The following CDH10 variants were observed in gnomAD, a reference collection of about 807,000 sequenced individuals.
CDH10 encodes the protein cadherin-10.
A neutral mutation model predicts 73.1 loss-of-function variants in CDH10; 30 were observed. The ratio of observed to expected loss-of-function variants is 0.41; its 90% CI spans 0.31 to 0.56. The LOEUF (loss-of-function observed/expected upper bound fraction) is 0.56. Among genes scored for constraint, CDH10 ranks in the 20% least tolerant of loss-of-function variants. The pLI is 0.27. For missense variants in CDH10, 815 were observed against 973.7 expected, an observed-to-expected ratio of 0.84 and a Z score of 2.17; for synonymous variants, 345 against 348.2, an observed-to-expected ratio of 0.99 and a Z score of 0.10.
intron 2 of CDH10, among the ~76,000 whole-genome samples, chr5:24,592,927 T>C (rs200795611): frequency 6.6e-6 from 1 of 151,258 alleles, no homozygotes; most frequent in Admixed American, 6.6e-5. Flanking sequence ...TATATACACA[T>C]ATGTATTTTC....
At chr5:24,528,502 C>T (rs892649201) in intron 5 of CDH10, among the ~76,000 whole-genome samples, 1 of 151,864 alleles carries the variant, frequency 6.6e-6, no homozygotes, top group Non-Finnish European at 1.5e-5. Flanking sequence ...ACTGAACGTA[C>T]GTGTCTTAAA....
At chr5:24,585,778 G>A (rs1579844976) in intron 2 of CDH10, among the ~76,000 whole-genome samples, 1 of 152,016 alleles carries the variant, frequency 6.6e-6, no homozygotes, top group East Asian at 1.9e-4. Context: ...ATAATCAAAG[G>A]TCATTTCCTA....
At chr5:24,574,012 G>A (rs1306249339) in intron 2 of CDH10, among the ~76,000 whole-genome samples, 3 of 151,548 alleles carry the variant, frequency 2.0e-5, no homozygotes, top group Non-Finnish European at 4.4e-5. Context: ...AACCTCCCGA[G>A]TAGCTGGGAC....
chr5:24,494,767 G>A (rs1030785731), intron 9 of CDH10, among the ~76,000 whole-genome samples: 2 of 151,852 alleles, frequency 1.3e-5, no homozygotes, highest in African/African-American at 4.8e-5. Context: ...TAGCACTATT[G>A]ATTTAAAGAT....
intron 1 of CDH10, among the ~76,000 whole-genome samples, chr5:24,618,850 T>C (rs1747209489): frequency 6.6e-6 from 1 of 152,236 alleles, no homozygotes; most frequent in Admixed American, 6.5e-5. Flanking sequence ...AAATGACATA[T>C]TAAGAAGCAC....
intron 2 of CDH10, among the ~76,000 whole-genome samples, chr5:24,567,670 G>C (rs947866651): frequency 4.6e-5 from 7 of 151,906 alleles, no homozygotes; most frequent in African/African-American, 1.4e-4. Context: ...GACACAGAGG[G>C]AAATTTCAGG....
chr5:24,535,050 T>C, intron 5 of CDH10, 62 bp downstream of exon 5: 3 of 1,388,156 alleles, frequency 2.2e-6, no homozygotes, highest in Non-Finnish European at 2.9e-6. Flanking sequence ...TTTTCTTTCT[T>C]TGTCTGTCTT....
intron 2 of CDH10, among the ~76,000 whole-genome samples, chr5:24,556,271 A>G (rs1744765035): frequency 6.6e-6 from 1 of 152,010 alleles, no homozygotes; most frequent in Non-Finnish European, 1.5e-5. Context: ...TGTGCTTCTA[A>G]TCTATACTTA....
At chr5:24,614,118 G>C (rs1170574163) in intron 1 of CDH10, among the ~76,000 whole-genome samples, 2 of 152,066 alleles carry the variant, frequency 1.3e-5, no homozygotes, top group African/African-American at 4.8e-5. Flanking sequence ...CTATTTTATG[G>C]TCAGTGTCAT....
intron 1 of CDH10, among the ~76,000 whole-genome samples, chr5:24,618,692 G>A (rs187368098): frequency 4.9e-4 from 74 of 152,242 alleles, no homozygotes; most frequent in Admixed American, 1.1e-3. Context: ...GTTATATTGT[G>A]TAATTATCTA....
intron 1 of CDH10, among the ~76,000 whole-genome samples, chr5:24,609,572 C>G (rs963557265): frequency 1.3e-5 from 2 of 152,156 alleles, no homozygotes; most frequent in African/African-American, 4.8e-5. Context: ...CACACTGCAT[C>G]AGATGCCAGC....
At position 24,535,764 on chromosome 5, in the gene CDH10, G is replaced by A. The variant is rs763323957; in HGVS notation, c.585C>T (p.Ser195=). ...TDADDPSYGN[S]ARVIYSILQG... ...GAAGTATGCTGTAAATGACTCTGGC[G>A]CTGTTCCCATATGAAGGGTCATCGG... The change falls in exon 4 of 12, where the codon AGC becomes AGT. Residue 195 remains serine, a synonymous_variant. Coordinates refer to ENST00000264463, the MANE Select transcript of CDH10 (RefSeq NM_006727.5). 1.6e-5 allele frequency: 26 copies of A among 1,609,458 alleles called. No homozygotes were observed. Among genetic ancestry groups the A allele is most frequent in the Admixed American group, 5.0e-5 (3 of 59,828 alleles).
chr5:24,616,887 C>A (rs141935008), intron 1 of CDH10, among the ~76,000 whole-genome samples: 8 of 152,046 alleles, frequency 5.3e-5, no homozygotes, highest in Non-Finnish European at 8.8e-5. Context: ...ATCAATATAT[C>A]TTTTTTAAAA....
In CDH10 at chr5:24,631,820, T is replaced by C. The variant is rs576848857; in HGVS notation, c.-124+12774A>G. Among the ~76,000 whole-genome samples the C allele has an allele frequency of 3.9e-5, 6 of 152,194 alleles. No homozygotes were observed. In the South Asian group the frequency reaches 1.2e-3, roughly 32 times the overall value. On this transcript the variant is annotated intron_variant, in intron 1 of 11. Transcript: ENST00000264463. ...TAATATATATATTAAAACTCTAAAA[T>C]GTTGTTGACTTGTGAAGGAAAGATG...
chr5:24,533,421 C>A lies in CDH10; in HGVS notation c.814+1691G>T, dbSNP rs577136147. ...AATCCTCTAAATGTATTGTACTATACATTCGGAGTTGGAGGTAGATTTAAT... is the reference window on the plus strand; with the variant it reads ...AATCCTCTAAATGTATTGTACTATAAATTCGGAGTTGGAGGTAGATTTAAT... On this transcript the variant is annotated intron_variant, in intron 5 of 11. Coordinates refer to ENST00000264463, the MANE Select transcript of CDH10 (RefSeq NM_006727.5). Among the ~76,000 whole-genome samples the A allele has an allele frequency of 9.9e-4, 151 of 152,000 alleles. 1 individual carries two copies. The highest frequency in any genetic ancestry group is 4.4e-3 in the South Asian group (21 of 4,806).
At chr5:24,570,930 C>T (rs1041823537) in intron 2 of CDH10, among the ~76,000 whole-genome samples, 1 of 151,918 alleles carries the variant, frequency 6.6e-6, no homozygotes, top group African/African-American at 2.4e-5. Context: ...TGTACTACAA[C>T]CTCTGGTTTT....
At chr5:24,494,279 T>C (rs1742177945) in intron 9 of CDH10, among the ~76,000 whole-genome samples, 2 of 152,078 alleles carry the variant, frequency 1.3e-5, no homozygotes, top group African/African-American at 4.8e-5. Flanking sequence ...CAAAATATTG[T>C]TAACTAATAC....
At chr5:24,613,433 T>C (rs969290358) in intron 1 of CDH10, among the ~76,000 whole-genome samples, 1 of 152,016 alleles carries the variant, frequency 6.6e-6, no homozygotes, top group Non-Finnish European at 1.5e-5. Context: ...GTTCTCTTTC[T>C]TTCCTGTGTA....
intron 2 of CDH10, among the ~76,000 whole-genome samples, chr5:24,560,923 T>C: frequency 6.6e-6 from 1 of 152,132 alleles, no homozygotes; most frequent in South Asian, 2.1e-4. Context: ...GATTATATAA[T>C]ACTAGACTTG....
Sources: gnomAD v4.1 joint callset for allele counts (sites outside exome capture counted in the v4.1 genomes callset) on GRCh38, gnomAD v4.1.1 for gene constraint, MANE v1.5 for transcripts, NCBI Gene and HGNC (gene_info 2026-07-23, HGNC 2026-07-21) for gene names.